N4BP2: variants seen among roughly 807,000 people sequenced by gnomAD.
N4BP2 encodes the protein NEDD4-binding protein 2.
A neutral mutation model predicts 152.8 loss-of-function variants in N4BP2; 91 were observed. That is an observed-to-expected ratio of 0.60 (90% CI 0.50 to 0.71). The LOEUF (loss-of-function observed/expected upper bound fraction) is 0.71, where lower values mean the gene tolerates loss of function less well. Among genes scored for constraint, N4BP2 ranks in the 30% least tolerant of loss-of-function variants. N4BP2 has a pLI of 0.00. For missense variants in N4BP2, 1,923 were observed against 2,059.1 expected (o/e 0.93, Z 1.28); for synonymous variants, 646 against 705.3 (o/e 0.92, Z 1.33).
chr4:40,104,622 G>T (rs1235560375), intron 4 of N4BP2, among the ~76,000 whole-genome samples: 7 of 152,218 alleles, frequency 4.6e-5, no homozygotes, highest in African/African-American at 2.4e-5. Context: ...CTGAAAGGTG[G>T]TACCTTAGAA....
intron 11 of N4BP2, among the ~76,000 whole-genome samples, chr4:40,125,925 T>C (rs978741560): frequency 6.6e-6 from 1 of 151,910 alleles, no homozygotes; most frequent in African/African-American, 2.4e-5. Context: ...AGATCATTAC[T>C]CTTTTAAAAT....
At position 40,144,748 on chromosome 4, in the gene N4BP2, T is replaced by C. The variant is rs898725286; in HGVS notation, c.5091T>C (p.His1697=). 2 of 1,613,896 alleles carry C rather than the reference T, an allele frequency of 1.2e-6. No homozygotes were observed. The highest frequency in any genetic ancestry group is 1.7e-6 in the Non-Finnish European group (2 of 1,179,966). ...ATGTTTTAGACCTCCATGGGCTGCATGTGGATGAAGCTCTAGAACATTTGA... is the reference window on the plus strand; with the variant it reads ...ATGTTTTAGACCTCCATGGGCTGCACGTGGATGAAGCTCTAGAACATTTGA... ...PQNVLDLHGL[H]VDEALEHLMR... The change falls in exon 16 of 18, where the codon CAT becomes CAC. Residue 1697 remains histidine, a synonymous_variant. Coordinates refer to ENST00000261435, the MANE Select transcript of N4BP2 (RefSeq NM_018177.6).
At chr4:40,067,081 A>G (rs865891726) in intron 1 of N4BP2, among the ~76,000 whole-genome samples, 3 of 118,192 alleles carry the variant, frequency 2.5e-5, no homozygotes, top group African/African-American at 6.5e-5. Flanking sequence ...TTTTTGAGAC[A>G]GGGTCTTGCT....
the N4BP2 span, among the ~76,000 whole-genome samples, chr4:40,180,933 T>G: frequency 6.6e-6 from 1 of 152,152 alleles, no homozygotes; most frequent in African/African-American, 2.4e-5. Context: ...GGGTGGATCA[T>G]GAGGTCGGGA....
chr4:40,114,395 C>T (rs138257938), intron 7 of N4BP2, among the ~76,000 whole-genome samples: 7 of 152,172 alleles, frequency 4.6e-5, no homozygotes, highest in Admixed American at 3.9e-4. Context: ...CTAGTTCCCC[C>T]CTCCTCTTGG....
chr4:40,120,390 C>A lies in N4BP2; in HGVS notation c.2279C>A (p.Ala760Glu), dbSNP rs191006869. 2 of 1,613,670 alleles carry A rather than the reference C, an allele frequency of 1.2e-6. No homozygotes were observed. The highest frequency in any genetic ancestry group is 4.5e-5 in the East Asian group (2 of 44,872). ...SSPGEIVEER[A>E]TVTKKAFGKQ... Reference sequence around the variant, plus strand: ...CCTGGTGAAATAGTGGAAGAAAGAGCAACAGTAACGAAAAAAGCCTTTGGG... The same window carrying A: ...CCTGGTGAAATAGTGGAAGAAAGAGAAACAGTAACGAAAAAAGCCTTTGGG... Residue 760 changes from alanine (A) to glutamate (E), a missense_variant, in exon 9 of 18, where the codon GCA becomes GAA. Transcript: ENST00000261435.
intron 1 of N4BP2, among the ~76,000 whole-genome samples, chr4:40,068,691 A>G (rs887293356): frequency 1.3e-5 from 2 of 152,204 alleles, no homozygotes; most frequent in African/African-American, 2.4e-5. Context: ...TTTAAGCCCT[A>G]CCATACTGTG....
intron 2 of N4BP2, among the ~76,000 whole-genome samples, chr4:40,085,508 GTGCAGTGGCACAATC>G (rs1425558273): frequency 6.6e-6 from 1 of 152,188 alleles, no homozygotes; most frequent in Non-Finnish European, 1.5e-5. Flanking sequence ...TGAGGCTGGA[GTGCAGTGGCACAATC>G]ATAGCTCAGT....
chr4:40,167,340 A>G, the N4BP2 span: 1 of 152,204 alleles, frequency 6.6e-6, no homozygotes, highest in Non-Finnish European at 1.5e-5. Context: ...TGTTCACTAA[A>G]TTCTAGGCAG....
chr4:40,148,937 A>T (rs995649552), intron 16 of N4BP2, among the ~76,000 whole-genome samples: 3 of 152,222 alleles, frequency 2.0e-5, no homozygotes, highest in Admixed American at 6.5e-5. Context: ...AGAAAAAAAA[A>T]ATTGAAAAAT....
At chr4:40,108,918 G>A (rs1284690740) in intron 5 of N4BP2, among the ~76,000 whole-genome samples, 1 of 151,510 alleles carries the variant, frequency 6.6e-6, no homozygotes, top group East Asian at 1.9e-4. Flanking sequence ...CCGGGTTTAA[G>A]CGATTCTCCT....
chr4:40,120,141 T>C lies in N4BP2; in HGVS notation c.2030T>C (p.Ile677Thr). 1 of 1,612,602 alleles carries C rather than the reference T, an allele frequency of 6.2e-7. No individual in the cohort carries two copies. The highest frequency in any genetic ancestry group is 1.3e-5 in the African/African-American group (1 of 74,892). ...DMNPSIQSAL[I>T]LETPHMYFSD... ...AATCCTAGCATTCAAAGTGCTTTAA[T>C]TCTGGAAACTCCACACATGTATTTT... The change falls in exon 9 of 18, where the codon ATT (isoleucine) becomes ACT (threonine). Residue 677 changes from isoleucine (I) to threonine (T), a missense_variant. Physicochemically the swap from Ile to Thr is moderately conservative, Grantham distance 89 (BLOSUM62 -1). Coordinates refer to ENST00000261435, the MANE Select transcript of N4BP2 (RefSeq NM_018177.6).
chr4:40,119,554 T>C (rs1349002193), intron 8 of N4BP2, among the ~76,000 whole-genome samples: 1 of 152,180 alleles, frequency 6.6e-6, no homozygotes, highest in Non-Finnish European at 1.5e-5. Context: ...ATTTTACATA[T>C]GCTTAGCTAT....
At chr4:40,175,581 G>C in the N4BP2 span, among the ~76,000 whole-genome samples, 18 of 152,280 alleles carry the variant, frequency 1.2e-4, no homozygotes, top group African/African-American at 4.1e-4. Context: ...AGCACTTCGG[G>C]AGGCCGAGGT....
intron 17 of N4BP2, 24 bp from the exon 18 acceptor site, chr4:40,154,163 TTAAAA>T (rs766107123): frequency 6.4e-7 from 1 of 1,556,438 alleles, no homozygotes; most frequent in African/African-American, 1.4e-5. Flanking sequence ...ATTTTCATCT[TTAAAA>T]TAACTCTTTT....
In N4BP2 at chr4:40,097,898, C is replaced by G. The variant is rs1384386741; in HGVS notation, c.229+329C>G. Among the ~76,000 whole-genome samples, 6 of 152,234 alleles carry G rather than the reference C, an allele frequency of 3.9e-5. No homozygotes were observed. In the East Asian group the frequency reaches 7.7e-4, roughly 20 times the overall value. On this transcript the variant is annotated intron_variant, in intron 3 of 17. Coordinates refer to ENST00000261435, the MANE Select transcript of N4BP2 (RefSeq NM_018177.6). ...ATAATCCTTTATTTTGAGTGGCTCT[C>G]CTATGCATTGTAGGTTTAGCAGCGT...
At chr4:40,084,407 G>T (rs1713710260) in intron 2 of N4BP2, among the ~76,000 whole-genome samples, 1 of 151,106 alleles carries the variant, frequency 6.6e-6, no homozygotes, top group Non-Finnish European at 1.5e-5. Context: ...GGAGAATCAG[G>T]TCACTTTTAG....
intron 14 of N4BP2, among the ~76,000 whole-genome samples, chr4:40,141,497 G>A (rs1719960475): frequency 6.6e-6 from 1 of 151,734 alleles, no homozygotes; most frequent in African/African-American, 2.4e-5. Context: ...TGGGCGGCCG[G>A]GCAGAGGCGC....
intron 12 of N4BP2, among the ~76,000 whole-genome samples, chr4:40,129,617 A>G (rs978687996): frequency 1.3e-5 from 2 of 151,854 alleles, no homozygotes; most frequent in Non-Finnish European, 2.9e-5. Context: ...ATGCAGCCTG[A>G]GAAAGATAAT....
Sources: gnomAD v4.1 joint callset for allele counts (sites outside exome capture counted in the v4.1 genomes callset) on GRCh38, gnomAD v4.1.1 for gene constraint, MANE v1.5 for transcripts, NCBI Gene and HGNC (gene_info 2026-07-23, HGNC 2026-07-21) for gene names.